EVI5: variants seen among roughly 807,000 people sequenced by gnomAD.
EVI5 encodes ecotropic viral integration site 5 protein homolog.
In EVI5, 73 loss-of-function variants were observed where a neutral mutation model predicts 112.0. The ratio of observed to expected loss-of-function variants is 0.65; its 90% CI spans 0.54 to 0.79. The LOEUF is 0.79. Ranked by LOEUF, EVI5 falls within the 30% of genes least tolerant of loss-of-function variation. EVI5 has a pLI of 0.00. For synonymous variants in EVI5, 305 were observed against 319.9 expected (o/e 0.95, Z 0.50); for missense variants, 900 against 968.8 (o/e 0.93, Z 0.94).
intron 16 of EVI5, among the ~76,000 whole-genome samples, chr1:92,617,545 G>A (rs1653486428): frequency 6.6e-6 from 1 of 152,094 alleles, no homozygotes; most frequent in Admixed American, 6.6e-5. Flanking sequence ...ACCCATCGTC[G>A]CCCAATAAGC....
At chr1:92,585,721 C>T (rs988010572) in intron 18 of EVI5, among the ~76,000 whole-genome samples, 10 of 152,080 alleles carry the variant, frequency 6.6e-5, no homozygotes, top group African/African-American at 1.9e-4. Context: ...TTCCCACATA[C>T]CCTCCCACAG....
intron 18 of EVI5, among the ~76,000 whole-genome samples, chr1:92,585,363 G>A (rs981592018): frequency 5.9e-5 from 9 of 152,090 alleles, no homozygotes; most frequent in Admixed American, 4.6e-4. Flanking sequence ...ATGGTGGGGT[G>A]TGCCTGTATT....
chr1:92,541,351 G>A (rs1355182630), intron 19 of EVI5, among the ~76,000 whole-genome samples: 2 of 152,156 alleles, frequency 1.3e-5, no homozygotes, highest in Non-Finnish European at 2.9e-5. Flanking sequence ...ACATTTCTCT[G>A]AAGAAGCTAT....
intron 1 of EVI5, chr1:92,749,199 G>T: frequency 3.2e-6 from 1 of 314,378 alleles, no homozygotes; most frequent in South Asian, 2.7e-5. Context: ...CTCCAGTAGA[G>T]GGCACACTCT....
chr1:92,697,826 G>T, intron 6 of EVI5, 34 bp downstream of exon 6: 1 of 1,567,170 alleles, frequency 6.4e-7, no homozygotes, highest in Non-Finnish European at 8.7e-7. Flanking sequence ...AAATATAAAG[G>T]CAATATGCCT....
chr1:92,527,025 G>T (rs1342340953), intron 19 of EVI5, among the ~76,000 whole-genome samples: 1 of 152,152 alleles, frequency 6.6e-6, no homozygotes, highest in Non-Finnish European at 1.5e-5. Flanking sequence ...CCAAGATGAA[G>T]TCTACTGATT....
intron 3 of EVI5, 83 bp downstream of exon 3, chr1:92,704,472 G>T (rs1671674907): frequency 2.5e-6 from 2 of 797,020 alleles, no homozygotes; most frequent in Non-Finnish European, 3.9e-6. Context: ...GTTGTATTTG[G>T]GGTTTTTTTC....
At chr1:92,663,763 A>G (rs2102189781) in intron 11 of EVI5, among the ~76,000 whole-genome samples, 1 of 152,274 alleles carries the variant, frequency 6.6e-6, no homozygotes, top group Admixed American at 6.5e-5. Context: ...TAAAATAGAG[A>G]CAGGGTCTCA....
At chr1:92,593,958 G>A (rs1052851483) in intron 18 of EVI5, among the ~76,000 whole-genome samples, 7 of 152,158 alleles carry the variant, frequency 4.6e-5, no homozygotes, top group African/African-American at 1.7e-4. Flanking sequence ...ATGCTTATGG[G>A]TAGGAAGAAT....
intron 10 of EVI5, among the ~76,000 whole-genome samples, chr1:92,672,588 G>A (rs567589452): frequency 1.6e-4 from 25 of 152,104 alleles, no homozygotes; most frequent in Middle Eastern, 3.4e-3. Flanking sequence ...CCAAAATACC[G>A]TACATTTGAC....
chr1:92,732,385 A>C (rs1247491899), intron 2 of EVI5: 2 of 290,582 alleles, frequency 6.9e-6, no homozygotes, highest in Non-Finnish European at 1.3e-5. Flanking sequence ...CAGCAAGCAA[A>C]GAAGGGAAAG....
At chr1:92,544,255 C>T (rs1665312081) in intron 19 of EVI5, among the ~76,000 whole-genome samples, 1 of 152,106 alleles carries the variant, frequency 6.6e-6, no homozygotes, top group Non-Finnish European at 1.5e-5. Flanking sequence ...CTAGAATTGA[C>T]TGTGATGATA....
At chr1:92,784,267 G>A (rs375692132) in intron 1 of EVI5, 40 of 982,018 alleles carry the variant, frequency 4.1e-5, no homozygotes, top group Non-Finnish European at 4.7e-5. Flanking sequence ...AAATCCTGAG[G>A]TTAATTTGAG....
intron 19 of EVI5, among the ~76,000 whole-genome samples, chr1:92,561,619 ATCT>A (rs1296657909): frequency 9.4e-5 from 12 of 127,132 alleles, no homozygotes; most frequent in African/African-American, 2.5e-4. Flanking sequence ...CTATCTATCT[ATCT>A]ATCTATCTAT....
At chr1:92,690,953 T>C (rs1389848035) in intron 9 of EVI5, among the ~76,000 whole-genome samples, 2 of 152,152 alleles carry the variant, frequency 1.3e-5, no homozygotes, top group Non-Finnish European at 2.9e-5. Context: ...TAGCTCCCAG[T>C]TTATAGAAAA....
chr1:92,540,120 T>C (rs1277049930), intron 19 of EVI5, among the ~76,000 whole-genome samples: 1 of 152,224 alleles, frequency 6.6e-6, no homozygotes, highest in Non-Finnish European at 1.5e-5. Flanking sequence ...TTCTACTCTC[T>C]AAATATTATT....
chr1:92,607,527 A>C, intron 17 of EVI5, 54 bp downstream of exon 17: 15 of 1,252,716 alleles, frequency 1.2e-5, no homozygotes, highest in South Asian at 9.3e-5. Context: ...AACAAACAAA[A>C]AAAAGGCATT....
intron 18 of EVI5, among the ~76,000 whole-genome samples, chr1:92,584,738 TTC>T (rs1672510636): frequency 6.6e-6 from 1 of 152,234 alleles, no homozygotes; most frequent in Non-Finnish European, 1.5e-5. Flanking sequence ...TTGAATATTC[TTC>T]TTAGTAATTA....
At chr1:92,729,642 CCTAT>C (rs1221468284) in intron 2 of EVI5, among the ~76,000 whole-genome samples, 5 of 152,140 alleles carry the variant, frequency 3.3e-5, no homozygotes, top group Non-Finnish European at 7.3e-5. Flanking sequence ...TTGCATATGA[CCTAT>C]GCACATCCTC....
Sources: allele counts gnomAD v4.1 joint callset (sites outside exome capture counted in the v4.1 genomes callset), GRCh38; gene constraint gnomAD v4.1.1; transcripts MANE v1.5; gene names NCBI Gene and HGNC (gene_info 2026-07-23, HGNC 2026-07-21).